Variants in SMOC2 observed in about 807,000 individuals in gnomAD.
The protein encoded by SMOC2 is SPARC-related modular calcium-binding protein 2.
In SMOC2, 39 loss-of-function variants were observed where a neutral mutation model predicts 61.4. That is an observed-to-expected ratio of 0.64 (90% confidence interval 0.49 to 0.83). SMOC2 has a LOEUF of 0.83. SMOC2 is among the 40% of genes least tolerant of loss of function. The pLI, the probability that SMOC2 is intolerant of heterozygous loss-of-function variation, is 0.00. For missense variants in SMOC2, 556 were observed against 592.9 expected (o/e 0.94, Z 0.65); for synonymous variants, 247 against 239.9 (o/e 1.03, Z -0.27).
At chr6:168,471,615 G>T (rs1781969542) in intron 1 of SMOC2, among the ~76,000 whole-genome samples, 1 of 152,110 alleles carries the variant, frequency 6.6e-6, no homozygotes, top group African/African-American at 2.4e-5. Context: ...ACTTTTTCAA[G>T]AAACCACCGT....
intron 8 of SMOC2, among the ~76,000 whole-genome samples, chr6:168,600,436 AAAAAAAAAAC>A (rs1785519829): frequency 1.3e-3 from 163 of 121,812 alleles, no homozygotes; most frequent in East Asian, 2.6e-3. Flanking sequence ...AAAAAAAACA[AAAAAAAAAAC>A]AGTAGTTTCA....
chr6:168,479,438 A>G (rs1369416980), intron 1 of SMOC2, among the ~76,000 whole-genome samples: 1 of 152,256 alleles, frequency 6.6e-6, no homozygotes, highest in African/African-American at 2.4e-5. Context: ...AGAAGGAAAC[A>G]TCAGAAATCT....
intron 11 of SMOC2, among the ~76,000 whole-genome samples, chr6:168,662,835 G>C (rs1562413042): frequency 6.6e-6 from 1 of 152,218 alleles, no homozygotes; most frequent in Non-Finnish European, 1.5e-5. Flanking sequence ...AGGAAGGTAG[G>C]AGAAGAGAGG....
At chr6:168,546,540 T>C (rs1784007267) in intron 5 of SMOC2, among the ~76,000 whole-genome samples, 2 of 152,152 alleles carry the variant, frequency 1.3e-5, no homozygotes, top group African/African-American at 4.8e-5. Flanking sequence ...CCGATCACTT[T>C]CGCCCTGTCC....
At chr6:168,441,969 C>G (rs536467454) in intron 1 of SMOC2, among the ~76,000 whole-genome samples, 1 of 152,226 alleles carries the variant, frequency 6.6e-6, no homozygotes, top group Non-Finnish European at 1.5e-5. Flanking sequence ...CGTGTTCTCC[C>G]GACCGCTTTG....
intron 9 of SMOC2, among the ~76,000 whole-genome samples, chr6:168,645,015 G>C (rs1786986707): frequency 6.6e-6 from 1 of 152,164 alleles, no homozygotes; most frequent in South Asian, 2.1e-4. Flanking sequence ...CTTTTATATA[G>C]TTTGAAATAG....
At chr6:168,536,704 T>C (rs1050575457) in intron 4 of SMOC2, among the ~76,000 whole-genome samples, 1 of 152,034 alleles carries the variant, frequency 6.6e-6, no homozygotes, top group African/African-American at 2.4e-5. Flanking sequence ...CTAAGGGCAG[T>C]GTGGACCTGG....
Position 168,475,378 on chromosome 6 carries a change from C to T in SMOC2, c.84+33924C>T, listed in dbSNP as rs1382896869. The stretch of plus-strand genomic sequence containing the variant: ...CCTGAAGCATTTGGAGAGCAGGTGC[C>T]AATGTCCCAGGCACAGGTGGAAACA... On this transcript the variant is annotated intron_variant, in intron 1 of 12. Coordinates refer to ENST00000356284, the MANE Select transcript of SMOC2 (RefSeq NM_001166412.2). The surrounding 1 kb of genome is among the most constrained non-coding windows in gnomAD (Gnocchi z 4.6). 1.3e-5 allele frequency among the ~76,000 whole-genome samples: 2 copies of T among 152,090 alleles called. No homozygotes were observed. Among genetic ancestry groups the T allele is most frequent in the Non-Finnish European group, 2.9e-5 (2 of 68,012 alleles).
intron 7 of SMOC2, among the ~76,000 whole-genome samples, chr6:168,550,535 C>T (rs942713724): frequency 3.9e-5 from 6 of 152,102 alleles, no homozygotes; most frequent in Non-Finnish European, 5.9e-5. Context: ...AAAGCTAGCG[C>T]GGTGCAATGC....
intron 1 of SMOC2, among the ~76,000 whole-genome samples, chr6:168,471,804 T>G (rs1781972549): frequency 6.6e-6 from 1 of 152,240 alleles, no homozygotes; most frequent in South Asian, 2.1e-4. Flanking sequence ...GTGTGATTGC[T>G]CATTGGAAGG....
At chr6:168,446,308 A>G (rs932961025) in intron 1 of SMOC2, among the ~76,000 whole-genome samples, 7 of 152,224 alleles carry the variant, frequency 4.6e-5, no homozygotes, top group African/African-American at 1.7e-4. Flanking sequence ...GGTTGCAGTG[A>G]GCCGAGATCC....
intron 2 of SMOC2, among the ~76,000 whole-genome samples, chr6:168,517,771 T>G (rs1320785991): frequency 6.6e-6 from 1 of 152,018 alleles, no homozygotes; most frequent in Non-Finnish European, 1.5e-5. Context: ...CTCTGACGGG[T>G]GAGGCGCTGG....
Position 168,650,753 on chromosome 6 carries a change from C to T in SMOC2, c.980C>T (p.Ala327Val), listed in dbSNP as rs777915338. The change falls in exon 10 of 13, where the codon GCC becomes GTC. Residue 327 changes from alanine (A) to valine (V), a missense_variant. Transcript: ENST00000356284. ...GCGCTGTCCACGGACATGGTCCACG[C>T]CGCCTCCGACCCCTCCTCCTCGTCA... is the stretch of plus-strand genomic sequence containing the variant. ...LDALSTDMVH[A>V]ASDPSSSSGR... 6.2e-7 allele frequency: 1 copy of T among 1,612,732 alleles called. No individual in the cohort carries two copies. Among genetic ancestry groups the T allele is most frequent in the Admixed American group, 1.7e-5 (1 of 60,012 alleles).
At chr6:168,476,841 G>A (rs6911538) in intron 1 of SMOC2, among the ~76,000 whole-genome samples, 20,109 of 151,524 alleles carry the variant, frequency 0.13, 2,663 homozygotes, top group East Asian at 0.44. Flanking sequence ...AACACTTCAA[G>A]GGATTTTAAT....
At chr6:168,641,756 G>A (rs940192932) in intron 9 of SMOC2, among the ~76,000 whole-genome samples, 12 of 152,124 alleles carry the variant, frequency 7.9e-5, no homozygotes, top group Admixed American at 1.3e-4. Context: ...TGGCTTTCCC[G>A]GCCACATCTT....
intron 7 of SMOC2, among the ~76,000 whole-genome samples, chr6:168,570,907 T>G (rs1784649494): frequency 1.3e-5 from 2 of 152,228 alleles, no homozygotes; most frequent in South Asian, 4.1e-4. Context: ...CGTCTTGTTT[T>G]CTTTTCTCTC....
intron 8 of SMOC2, 86 bp downstream of exon 8, chr6:168,599,090 A>C: frequency 8.7e-7 from 1 of 1,151,292 alleles, no homozygotes; most frequent in Non-Finnish European, 1.2e-6. Flanking sequence ...ACTTCCCCCA[A>C]CACACACCGA....
At chr6:168,649,645 G>A (rs957558231) in intron 9 of SMOC2, among the ~76,000 whole-genome samples, 2 of 152,176 alleles carry the variant, frequency 1.3e-5, no homozygotes, top group Non-Finnish European at 2.9e-5. Flanking sequence ...AGTTGGAATC[G>A]GCAAATTTTG....
rs1406821645 is a variant in SMOC2 at position 168,563,514 on chromosome 6, T to G, written c.637+14311T>G. ...GTGTGTCTGTTTCTTGTCTCCCTGC[T>G]ATGGTCTAAATGTATGTGTGTCCCC... On this transcript the variant is annotated intron_variant, in intron 7 of 12. Coordinates refer to ENST00000356284, the MANE Select transcript of SMOC2 (RefSeq NM_001166412.2). 1.4e-4 allele frequency among the ~76,000 whole-genome samples: 22 copies of G among 152,204 alleles called. 1 individual carries two copies. The highest frequency in any genetic ancestry group is 1.4e-3 in the Admixed American group (21 of 15,290).
Sources: allele counts gnomAD v4.1 joint callset (sites outside exome capture counted in the v4.1 genomes callset), GRCh38; gene constraint gnomAD v4.1.1; non-coding constraint Gnocchi (gnomAD v3.1); transcripts MANE v1.5; gene names NCBI Gene and HGNC (gene_info 2026-07-23, HGNC 2026-07-21).